Variants in MOB2 observed in about 807,000 individuals in gnomAD.
The protein encoded by MOB2 is MOB kinase activator 2.
In MOB2, 14 loss-of-function variants were observed where a neutral mutation model predicts 27.4. The observed-to-expected ratio is 0.51, with a 90% CI of 0.34 to 0.80. MOB2 has a LOEUF of 0.80. MOB2 is among the 30% of genes least tolerant of loss of function. The probability of loss-of-function intolerance (pLI) is 0.01; values close to 1 mark genes in which losing one functional copy is unlikely to be tolerated. For synonymous variants in MOB2, 167 were observed against 151.8 expected (o/e 1.10, Z -0.74); for missense variants, 304 against 354.6 (o/e 0.86, Z 1.15).
chr11:1,482,264 T>C (rs1847923702), intron 1 of MOB2, among the ~76,000 whole-genome samples: 1 of 152,240 alleles, frequency 6.6e-6, no homozygotes, highest in African/African-American at 2.4e-5. Context: ...AGGTGGCAGT[T>C]ACCTGGTGGT....
intron 1 of MOB2, among the ~76,000 whole-genome samples, chr11:1,484,182 G>A (rs920711242): frequency 3.3e-5 from 5 of 152,228 alleles, no homozygotes; most frequent in Non-Finnish European, 7.3e-5. Context: ...AGTCGAGCCT[G>A]TAGACCCTGA....
At chr11:1,484,825 ACAGCCTGCACTGCCCACAGGCTT>A (rs1223827122) in intron 1 of MOB2, among the ~76,000 whole-genome samples, 1 of 152,202 alleles carries the variant, frequency 6.6e-6, no homozygotes, top group African/African-American at 2.4e-5. Context: ...ATCTCTCAGC[ACAGCCTGCACTGCCCACAGGCTT>A]CAGCCAGCTG....
intron 3 of MOB2, among the ~76,000 whole-genome samples, chr11:1,473,587 G>A (rs1306446598): frequency 6.6e-6 from 1 of 152,226 alleles, no homozygotes; most frequent in Non-Finnish European, 1.5e-5. Flanking sequence ...GTGTGCGACA[G>A]GTCTCAAAAC....
chr11:1,475,804 T>C lies in MOB2; in HGVS notation c.366-4385A>G, dbSNP rs933345504. Among the ~76,000 whole-genome samples, 4 of 152,360 alleles carry C rather than the reference T, an allele frequency of 2.6e-5. 1 individual carries two copies. The highest frequency in any genetic ancestry group is 7.2e-5 in the African/African-American group (3 of 41,590). The stretch of plus-strand genomic sequence containing the variant: ...ACAGCGAAATTAAAGGGACTTTTTT[T>C]CCCTTTTTCACAATTTCATAAAGAA... On this transcript the variant is annotated intron_variant, in intron 3 of 4. Transcript: ENST00000329957.
chr11:1,485,102 G>A (rs376695391), intron 1 of MOB2, among the ~76,000 whole-genome samples: 1 of 152,182 alleles, frequency 6.6e-6, no homozygotes, highest in Non-Finnish European at 1.5e-5. Flanking sequence ...GCTCCACTGC[G>A]CCTCGGCCCC....
Position 1,471,296 on chromosome 11 carries a change from G to A in MOB2, c.489C>T (p.Tyr163=), listed in dbSNP as rs1381638079. 9.3e-6 allele frequency: 15 copies of A among 1,612,070 alleles called. No homozygotes were observed. The highest frequency in any genetic ancestry group is 5.3e-5 in the African/African-American group (4 of 74,938). ...VTDEDVFPTK[Y]GREFPSSFES... Reference sequence around the variant, plus strand: ...CGCCCAGTGCTGGGGGAGACGAACCGTATTTTGTGGGGAACACGTCCTCAT... The same window carrying A: ...CGCCCAGTGCTGGGGGAGACGAACCATATTTTGTGGGGAACACGTCCTCAT... Residue 163 remains tyrosine, a splice_region_variant and synonymous_variant, in exon 4 of 5, where the codon TAC becomes TAT. Transcript: ENST00000329957.
intron 1 of MOB2, chr11:1,481,146 C>T (rs772407877): frequency 4.1e-5 from 25 of 613,844 alleles, no homozygotes; most frequent in South Asian, 3.3e-4. Context: ...GGCCCCTGCA[C>T]GGAGGGCATC....
rs761586802 is a variant in MOB2, at chr11:1,471,304, T to TG, written c.480dup (p.Thr161HisfsTer12). 6.2e-7 allele frequency: 1 copy of TG among 1,612,852 alleles called. No individual in the cohort carries two copies. On this transcript the variant is annotated frameshift_variant, in exon 4 of 5. Coordinates refer to ENST00000329957, the MANE Select transcript of MOB2 (RefSeq NM_001172223.3). LOFTEE classifies it high-confidence loss of function. The stretch of plus-strand genomic sequence containing the variant: ...GCTGGGGGAGACGAACCGTATTTTG[T>TG]GGGGAACACGTCCTCATCCGTCACC...
In MOB2 at chr11:1,470,121, C is replaced by T. The variant is rs1564907429; in HGVS notation, c.*51G>A. Reference sequence around the variant, plus strand: ...GTGCACACGCAGATGCAGGAGAGAACACACACCACCGTCTCTTTGCACACG... The same window carrying T: ...GTGCACACGCAGATGCAGGAGAGAATACACACCACCGTCTCTTTGCACACG... On this transcript the variant is annotated 3_prime_UTR_variant, in exon 5 of 5. Coordinates refer to ENST00000329957, the MANE Select transcript of MOB2 (RefSeq NM_001172223.3). 6.4e-7 allele frequency: 1 copy of T among 1,552,088 alleles called. No individual in the cohort carries two copies. Among genetic ancestry groups the T allele is most frequent in the Non-Finnish European group, 8.7e-7 (1 of 1,148,786 alleles).
In MOB2 at chr11:1,476,976, AG is replaced by A. The variant is rs148009456; in HGVS notation, c.365+3416del. Among the ~76,000 whole-genome samples the A allele has an allele frequency of 3.4e-4, 52 of 152,116 alleles. No individual in the cohort carries two copies. In the East Asian group the frequency reaches 9.6e-3, roughly 28 times the overall value. ...GGTTTTGATTTTTTAAAATTTGTTA[AG>A]GGCTCTTTTGTGACAGGTATGCTCC... On this transcript the variant is annotated intron_variant, in intron 3 of 4. Transcript: ENST00000329957.
intron 2 of MOB2, 31 bp downstream of exon 2, chr11:1,480,694 G>A (rs962120724): frequency 1.3e-6 from 2 of 1,593,392 alleles, no homozygotes; most frequent in South Asian, 1.1e-5. Context: ...CAGGGAGGAG[G>A]GAGGGGGCCC....
chr11:1,484,148 C>T (rs1847945205), intron 1 of MOB2, among the ~76,000 whole-genome samples: 1 of 152,214 alleles, frequency 6.6e-6, no homozygotes, highest in African/African-American at 2.4e-5. Context: ...GACCCCCACT[C>T]GCCCAGAGCA....
intron 4 of MOB2, among the ~76,000 whole-genome samples, chr11:1,470,862 G>A (rs1847780409): frequency 6.6e-6 from 1 of 152,338 alleles, no homozygotes; most frequent in South Asian, 2.1e-4. Flanking sequence ...CAGGACGGAG[G>A]TGGCGATGGT....
chr11:1,480,429 GTGCAGA>G lies in MOB2; in HGVS notation c.323_328del (p.Phe108_Thr110delinsSer). ...GGCCATCGTCTGACACGTCTCTCCT[GTGCAGA>G]ACTCGGAGATGGTGCTATACTGCAG... On this transcript the variant is annotated inframe_deletion, in exon 3 of 5. Transcript: ENST00000329957. 6.2e-7 allele frequency: 1 copy of G among 1,613,866 alleles called. No homozygotes were observed. The highest frequency in any genetic ancestry group is 8.5e-7 in the Non-Finnish European group (1 of 1,179,882).
intron 3 of MOB2, among the ~76,000 whole-genome samples, chr11:1,478,120 C>T (rs1277824491): frequency 1.3e-5 from 2 of 152,254 alleles, no homozygotes; most frequent in Non-Finnish European, 1.5e-5. Flanking sequence ...TGTGCTTCCA[C>T]TGGAGCATAG....
chr11:1,484,188 C>T (rs1395488904), intron 1 of MOB2, among the ~76,000 whole-genome samples: 1 of 152,192 alleles, frequency 6.6e-6, no homozygotes, highest in Non-Finnish European at 1.5e-5. Context: ...GCCTGTAGAC[C>T]CTGAGGTGAG....
intron 1 of MOB2, 123 bp from the exon 2 acceptor site, chr11:1,481,008 G>C (rs1232560746): frequency 8.3e-7 from 1 of 1,209,170 alleles, no homozygotes; most frequent in Non-Finnish European, 1.1e-6. Flanking sequence ...GGGCGACACT[G>C]CCTCCCTGCC....
At chr11:1,482,764 C>A (rs564690892) in intron 1 of MOB2, among the ~76,000 whole-genome samples, 12 of 152,350 alleles carry the variant, frequency 7.9e-5, no homozygotes, top group Admixed American at 6.5e-5. Flanking sequence ...GGCACTGGCC[C>A]AAAGGTAGTA....
At chr11:1,483,383 G>A (rs979194172) in intron 1 of MOB2, among the ~76,000 whole-genome samples, 7 of 152,250 alleles carry the variant, frequency 4.6e-5, no homozygotes, top group Non-Finnish European at 1.0e-4. Context: ...CCACCCACAG[G>A]GCTTCCGTGA....
Sources: gnomAD v4.1 joint callset for allele counts (sites outside exome capture counted in the v4.1 genomes callset) on GRCh38, gnomAD v4.1.1 for gene constraint, MANE v1.5 for transcripts, NCBI Gene and HGNC (gene_info 2026-07-23, HGNC 2026-07-21) for gene names.